The following STAT4 variants were observed in gnomAD, a reference collection of about 807,000 sequenced individuals.
STAT4 encodes signal transducer and activator of transcription 4.
A neutral mutation model predicts 110.5 loss-of-function variants in STAT4; 42 were observed. The observed-to-expected ratio is 0.38, with a 90% CI of 0.30 to 0.49. The LOEUF (loss-of-function observed/expected upper bound fraction) is 0.49, where lower values mean the gene tolerates loss of function less well. Among genes scored for constraint, STAT4 ranks in the 20% least tolerant of loss-of-function variants. The pLI, the probability that STAT4 is intolerant of heterozygous loss-of-function variation, is 0.95. For synonymous variants in STAT4, 284 were observed against 302.2 expected (o/e 0.94, Z 0.63); for missense variants, 632 against 887.9 (o/e 0.71, Z 3.66).
chr2:191,099,403 A>G lies in STAT4; in HGVS notation c.274-23078T>C, dbSNP rs1234794449. ...AGCACTGGCCCATAATAATATATGT[A>G]CAAGATCGTTTGTTTCAATCCTGTT... On this transcript the variant is annotated intron_variant, in intron 3 of 23. Coordinates refer to ENST00000392320, the MANE Select transcript of STAT4 (RefSeq NM_003151.4). The surrounding 1 kb of genome is among the most constrained non-coding windows in gnomAD (Gnocchi z 4.1). 6.6e-6 allele frequency among the ~76,000 whole-genome samples: 1 copy of G among 152,150 alleles called. No homozygotes were observed. The highest frequency in any genetic ancestry group is 2.4e-5 in the African/African-American group (1 of 41,432).
intron 1 of STAT4, among the ~76,000 whole-genome samples, chr2:191,148,826 T>C (rs1383342353): frequency 1.3e-5 from 2 of 152,182 alleles, no homozygotes; most frequent in African/African-American, 4.8e-5. Flanking sequence ...TCTGAACCAG[T>C]GAATGTGTTT....
chr2:191,116,384 G>A lies in STAT4; in HGVS notation c.273+30229C>T, dbSNP rs1478977289. Among the ~76,000 whole-genome samples, 2 of 152,158 alleles carry A rather than the reference G, an allele frequency of 1.3e-5. No homozygotes were observed. The highest frequency in any genetic ancestry group is 4.8e-5 in the African/African-American group (2 of 41,422). On this transcript the variant is annotated intron_variant, in intron 3 of 23. Transcript: ENST00000392320. The surrounding 1 kb of genome is among the most constrained non-coding windows in gnomAD (Gnocchi z 4.1). ...TGCAAGCTAAAATTTAGATAAAGAA[G>A]AATCAGCCTAGTTATAATAAAATAG...
At chr2:191,102,078 A>C (rs1698162672) in intron 3 of STAT4, among the ~76,000 whole-genome samples, 1 of 151,206 alleles carries the variant, frequency 6.6e-6, no homozygotes, top group East Asian at 1.9e-4. Context: ...ATGTGGTTGA[A>C]TTCTGTATTA....
rs1210379234 is a variant in STAT4, at chr2:191,042,848, C to T, written c.1252-1700G>A. On this transcript the variant is annotated intron_variant, in intron 14 of 23. Transcript: ENST00000392320. This position sits in a 1 kb window ranked among gnomAD's most constrained non-coding sequence, Gnocchi z 4.2. ...AGGCTGGAGTGCAGTGGCACAATCT[C>T]GGCTCACTGCAACCTCCGCCTCCTG... Among the ~76,000 whole-genome samples, 8 of 151,450 alleles carry T rather than the reference C, an allele frequency of 5.3e-5. No homozygotes were observed. Among genetic ancestry groups the T allele is most frequent in the South Asian group, 4.2e-4 (2 of 4,814 alleles).
chr2:191,120,013 T>C (rs1313041781), intron 3 of STAT4, among the ~76,000 whole-genome samples: 3 of 152,164 alleles, frequency 2.0e-5, no homozygotes, highest in Non-Finnish European at 4.4e-5. Context: ...AAAAGCCTAC[T>C]TTACCCCTAT....
rs1382969388 is a variant in STAT4, at chr2:191,116,240, T to C, written c.273+30373A>G. 1.3e-5 allele frequency among the ~76,000 whole-genome samples: 2 copies of C among 152,228 alleles called. No individual in the cohort carries two copies. Among genetic ancestry groups the C allele is most frequent in the African/African-American group, 4.8e-5 (2 of 41,450 alleles). On this transcript the variant is annotated intron_variant, in intron 3 of 23. Coordinates refer to ENST00000392320, the MANE Select transcript of STAT4 (RefSeq NM_003151.4). This position sits in a 1 kb window ranked among gnomAD's most constrained non-coding sequence, Gnocchi z 4.1. ...TGCTGACAAGAGGGAATTGGTTTGA[T>C]AATACAGTGCTTTTACACCTATGAT...
intron 3 of STAT4, among the ~76,000 whole-genome samples, chr2:191,132,597 T>C (rs1699065257): frequency 6.6e-6 from 1 of 151,616 alleles, no homozygotes; most frequent in African/African-American, 2.4e-5. Context: ...ACTAACAAAA[T>C]ATAAATGATG....
intron 3 of STAT4, among the ~76,000 whole-genome samples, chr2:191,130,444 G>C (rs1414273844): frequency 6.6e-6 from 1 of 151,114 alleles, no homozygotes; most frequent in African/African-American, 2.5e-5. Context: ...GGATGGTCTC[G>C]ATCTCCTGAC....
chr2:191,078,289 C>T (rs1269010450), intron 3 of STAT4, among the ~76,000 whole-genome samples: 1 of 152,084 alleles, frequency 6.6e-6, no homozygotes, highest in Non-Finnish European at 1.5e-5. Context: ...TCAGATACTA[C>T]CTTTCAACAT....
intron 3 of STAT4, chr2:191,121,811 G>A (rs1196353022): frequency 2.6e-5 from 4 of 151,164 alleles, no homozygotes; most frequent in Non-Finnish European, 5.9e-5. Flanking sequence ...AAAGCATTAG[G>A]AGATATACCT....
intron 3 of STAT4, among the ~76,000 whole-genome samples, chr2:191,141,592 T>C (rs1357421937): frequency 1.2e-5 from 1 of 85,060 alleles, no homozygotes; most frequent in Non-Finnish European, 2.5e-5. Flanking sequence ...TATACATATA[T>C]ATGTGTATAT....
In STAT4 at chr2:191,077,243, G is replaced by C. The variant is rs980745145; in HGVS notation, c.274-918C>G. Among the ~76,000 whole-genome samples the C allele has an allele frequency of 2.6e-4, 40 of 152,122 alleles. No individual in the cohort carries two copies. The highest frequency in any genetic ancestry group is 9.7e-4 in the African/African-American group (40 of 41,418). On this transcript the variant is annotated intron_variant, in intron 3 of 23. Coordinates refer to ENST00000392320, the MANE Select transcript of STAT4 (RefSeq NM_003151.4). This position sits in a 1 kb window ranked among gnomAD's most constrained non-coding sequence, Gnocchi z 4.1. ...AAATTAAAATACTGGAATCCCTTTG[G>C]AGAAAGTATGTACTACCCAGGGTTG...
At chr2:191,115,921 C>G (rs1384659876) in intron 3 of STAT4, among the ~76,000 whole-genome samples, 1 of 152,200 alleles carries the variant, frequency 6.6e-6, no homozygotes, top group Non-Finnish European at 1.5e-5. Context: ...CTCTTTCTGA[C>G]TATTCAAGTA....
chr2:191,075,033 GC>G (rs1697272622), intron 4 of STAT4, among the ~76,000 whole-genome samples: 1 of 152,050 alleles, frequency 6.6e-6, no homozygotes, highest in African/African-American at 2.4e-5. Flanking sequence ...GGTGGCAGGT[GC>G]CTGTAATCCC....
At chr2:191,132,210 G>A (rs1326190244) in intron 3 of STAT4, among the ~76,000 whole-genome samples, 1 of 151,648 alleles carries the variant, frequency 6.6e-6, no homozygotes, top group African/African-American at 2.4e-5. Flanking sequence ...TACTGTCTTG[G>A]TTGTAAAATA....
chr2:191,089,658 A>C (rs1012924460), intron 3 of STAT4, among the ~76,000 whole-genome samples: 2 of 152,224 alleles, frequency 1.3e-5, no homozygotes, highest in African/African-American at 4.8e-5. Flanking sequence ...AGCAACCAAG[A>C]TATCCTCAAA....
Position 191,058,414 on chromosome 2 carries a change from C to T in STAT4, c.1095-195G>A, listed in dbSNP as rs1168573014. Among the ~76,000 whole-genome samples, 1 of 152,186 alleles carries T rather than the reference C, an allele frequency of 6.6e-6. No homozygotes were observed. The highest frequency in any genetic ancestry group is 2.4e-5 in the African/African-American group (1 of 41,436). On this transcript the variant is annotated intron_variant, in intron 11 of 23. Transcript: ENST00000392320. The surrounding 1 kb of genome is among the most constrained non-coding windows in gnomAD (Gnocchi z 4.3). ...CTGGGTTCAAGCGATTCTCCTGCCT[C>T]AGCCTCCTGAGTAGCTGGGATTACA...
chr2:191,045,500 T>C (rs1696323197), intron 14 of STAT4, among the ~76,000 whole-genome samples: 1 of 152,116 alleles, frequency 6.6e-6, no homozygotes, highest in East Asian at 1.9e-4. Flanking sequence ...TGGGAACATG[T>C]GAACAAGTAG....
rs1044731862 is a variant in STAT4, at chr2:191,143,569, A to G, written c.273+3044T>C. Among the ~76,000 whole-genome samples, 3 of 152,176 alleles carry G rather than the reference A, an allele frequency of 2.0e-5. No individual in the cohort carries two copies. Among genetic ancestry groups the G allele is most frequent in the Non-Finnish European group, 4.4e-5 (3 of 68,034 alleles). ...TTATAGCAAGCCATTCCAAACTGTT[A>G]TTGGAAGTAGGTGTAATATAAATAA... On this transcript the variant is annotated intron_variant, in intron 3 of 23. Coordinates refer to ENST00000392320, the MANE Select transcript of STAT4 (RefSeq NM_003151.4). This position sits in a 1 kb window ranked among gnomAD's most constrained non-coding sequence, Gnocchi z 5.6.
Sources: gnomAD v4.1 joint callset for allele counts (sites outside exome capture counted in the v4.1 genomes callset) on GRCh38, gnomAD v4.1.1 for gene constraint, Gnocchi (gnomAD v3.1) non-coding constraint, MANE v1.5 for transcripts, NCBI Gene and HGNC (gene_info 2026-07-23, HGNC 2026-07-21) for gene names.